The following OPHN1 variants were observed in gnomAD, a reference collection of about 807,000 sequenced individuals.
OPHN1 encodes the protein oligophrenin-1.
In OPHN1, 11 loss-of-function variants were observed where a neutral mutation model predicts 60.7. The observed-to-expected ratio is 0.18, with a 90% CI of 0.11 to 0.30. The LOEUF is 0.30. OPHN1 is among the 10% of genes least tolerant of loss of function. OPHN1 has a pLI of 1.00. For synonymous variants in OPHN1, 226 were observed against 222.6 expected (o/e 1.02, Z -0.14); for missense variants, 449 against 611.0 (o/e 0.73, Z 2.80).
At chrX:68,322,465 C>T (rs1215731606) in intron 2 of OPHN1, among the ~76,000 whole-genome samples, 1 of 111,971 alleles carries the variant, frequency 8.9e-6, no homozygotes, top group Non-Finnish European at 1.9e-5. Context: ...AGCTATGATA[C>T]ATCCATGCCA....
chrX:68,217,638 C>G (rs1301940129), intron 6 of OPHN1, among the ~76,000 whole-genome samples: 1 of 110,123 alleles, frequency 9.1e-6, no homozygotes, highest in East Asian at 2.9e-4. Flanking sequence ...CCCAAGCAGC[C>G]TAACTGGGAG....
intron 15 of OPHN1, among the ~76,000 whole-genome samples, chrX:68,152,587 C>T (rs2077289678): frequency 9.1e-6 from 1 of 109,732 alleles, no homozygotes; most frequent in Non-Finnish European, 1.9e-5. Context: ...GGACCACAGG[C>T]ACATGCCACC....
intron 2 of OPHN1, among the ~76,000 whole-genome samples, chrX:68,397,988 G>T (rs1023922206): frequency 3.6e-5 from 4 of 111,288 alleles, no homozygotes; most frequent in African/African-American, 9.8e-5. Context: ...CTTGCTTGGG[G>T]TGTGGGGACT....
intron 2 of OPHN1, among the ~76,000 whole-genome samples, chrX:68,419,821 C>T (rs1025439457): frequency 1.8e-5 from 2 of 111,717 alleles, no homozygotes; most frequent in Non-Finnish European, 3.8e-5. Context: ...GTATTATGGA[C>T]GTGAGCCACC....
intron 2 of OPHN1, among the ~76,000 whole-genome samples, chrX:68,425,658 G>A (rs1031726532): frequency 1.8e-5 from 1 of 54,166 alleles, no homozygotes; most frequent in African/African-American, 4.1e-5. Flanking sequence ...AAGAATGTAA[G>A]ACAGTGACCT....
intron 15 of OPHN1, among the ~76,000 whole-genome samples, chrX:68,177,699 G>C (rs373194133): frequency 3.6e-5 from 4 of 110,775 alleles, no homozygotes; most frequent in South Asian, 7.9e-4. Flanking sequence ...GGAAGAGAGA[G>C]AGTGGGGAGG....
chrX:68,078,944 C>A (rs986334973), intron 19 of OPHN1, among the ~76,000 whole-genome samples: 1 of 109,032 alleles, frequency 9.2e-6, no homozygotes, highest in Non-Finnish European at 1.9e-5. Context: ...CCAGATTGCA[C>A]CACTGCACTC....
chrX:68,205,669 G>C (rs1960466081), intron 10 of OPHN1, among the ~76,000 whole-genome samples: 1 of 111,129 alleles, frequency 9.0e-6, no homozygotes, highest in African/African-American at 3.3e-5. Context: ...AGCCACACAA[G>C]AGAGATCTTC....
At chrX:68,080,698 A>C (rs1336377182) in intron 19 of OPHN1, among the ~76,000 whole-genome samples, 1 of 112,147 alleles carries the variant, frequency 8.9e-6, no homozygotes. Context: ...ACTGAAGCCA[A>C]GTGGTGAGGA....
At chrX:68,406,575 G>A (rs1252108079) in intron 2 of OPHN1, among the ~76,000 whole-genome samples, 3 of 110,740 alleles carry the variant, frequency 2.7e-5, no homozygotes, top group African/African-American at 9.9e-5. Context: ...TCACACCACT[G>A]CGCTCCAGCC....
intron 15 of OPHN1, among the ~76,000 whole-genome samples, chrX:68,176,941 T>C (rs558814883): frequency 1.9e-5 from 2 of 104,566 alleles, no homozygotes; most frequent in African/African-American, 7.1e-5. Flanking sequence ...CACAGAAGAA[T>C]GAATGAACAA....
chrX:68,178,056 T>G (rs1317750609), intron 15 of OPHN1, among the ~76,000 whole-genome samples: 1 of 112,084 alleles, frequency 8.9e-6, no homozygotes, highest in African/African-American at 3.2e-5. Context: ...ATCTCTGATA[T>G]ATCCATGTCA....
intron 4 of OPHN1, among the ~76,000 whole-genome samples, chrX:68,277,342 T>G (rs995690914): frequency 8.9e-6 from 1 of 112,606 alleles, no homozygotes; most frequent in Non-Finnish European, 1.9e-5. Flanking sequence ...CTCCCTATCC[T>G]GCTGCTCACC....
chrX:68,190,708 A>C (rs888282752), intron 15 of OPHN1, among the ~76,000 whole-genome samples: 9 of 112,315 alleles, frequency 8.0e-5, no homozygotes, highest in African/African-American at 2.9e-4. Context: ...AACAGATATA[A>C]GAGTGATACT....
At position 68,336,916 on chromosome X, in the gene OPHN1, C is replaced by T. The variant is rs1177821595; in HGVS notation, c.155-37820G>A. On this transcript the variant is annotated intron_variant, in intron 2 of 24. Transcript: ENST00000355520. ...CAAAAATACAAAAAGAAAACATTAG[C>T]TAGGCATGGTGGTACGCATCTATAA... Among the ~76,000 whole-genome samples the T allele has an allele frequency of 2.7e-5, 3 of 110,263 alleles. No individual in the cohort carries two copies. In the Admixed American group the frequency reaches 3.0e-4, roughly 11 times the overall value.
rs778128516 is a variant in OPHN1, at chrX:68,062,199, C to T, written c.2158+1655G>A. On this transcript the variant is annotated intron_variant, in intron 21 of 24. Transcript: ENST00000355520. ...TTCTCCCAACCTCCCGATTCCCATT[C>T]TGGGCCTCATGTTTTCTTATCAGTA... Among the ~76,000 whole-genome samples, 7 of 111,776 alleles carry T rather than the reference C, an allele frequency of 6.3e-5. No homozygotes were observed. In the South Asian group the frequency reaches 2.3e-3, roughly 36 times the overall value.
chrX:68,421,399 A>G (rs1176975217), intron 2 of OPHN1, among the ~76,000 whole-genome samples: 1 of 111,986 alleles, frequency 8.9e-6, no homozygotes, highest in East Asian at 2.8e-4. Flanking sequence ...TTAGAGCAAA[A>G]GAAATTCAGC....
At chrX:68,175,066 G>C (rs1326407944) in intron 15 of OPHN1, among the ~76,000 whole-genome samples, 1 of 108,312 alleles carries the variant, frequency 9.2e-6, no homozygotes. Context: ...CCTAGCGACA[G>C]AGCGAGACTC....
At chrX:68,383,449 T>C (rs1230938624) in intron 2 of OPHN1, among the ~76,000 whole-genome samples, 1 of 107,182 alleles carries the variant, frequency 9.3e-6, no homozygotes, top group East Asian at 3.0e-4. Context: ...ATAAGAAAAT[T>C]CGCCAGGCAT....
Sources: gnomAD v4.1 joint callset for allele counts (sites outside exome capture counted in the v4.1 genomes callset) on GRCh38, gnomAD v4.1.1 for gene constraint, MANE v1.5 for transcripts, NCBI Gene and HGNC (gene_info 2026-07-23, HGNC 2026-07-21) for gene names.